SCGB1D2: variants seen among roughly 807,000 people sequenced by gnomAD.
SCGB1D2 encodes the protein secretoglobin family 1D member 2.
Under a neutral mutation model 10.5 loss-of-function variants are expected in SCGB1D2, and 10 were observed. The ratio of observed to expected loss-of-function variants is 0.95; its 90% CI spans 0.59 to 1.61. The LOEUF is 1.61. Among genes scored for constraint, SCGB1D2 ranks in the 40% most tolerant of loss-of-function variants. The pLI, the probability that SCGB1D2 is intolerant of heterozygous loss-of-function variation, is 0.00. For synonymous variants in SCGB1D2, 42 were observed against 42.8 expected, an observed-to-expected ratio of 0.98 and a Z score of 0.08; for missense variants, 113 against 103.8, an observed-to-expected ratio of 1.09 and a Z score of -0.38.
At chr11:62,244,422 A>G (rs749500492) in intron 2 of SCGB1D2, among the ~76,000 whole-genome samples, 1 of 152,158 alleles carries the variant, frequency 6.6e-6, no homozygotes, top group Admixed American at 6.5e-5. Flanking sequence ...ACTTGCTTCC[A>G]TGAGGATCCT....
intron 2 of SCGB1D2, among the ~76,000 whole-genome samples, chr11:62,243,680 T>C (rs1255548655): frequency 3.3e-5 from 5 of 152,146 alleles, no homozygotes; most frequent in Non-Finnish European, 2.9e-5. Context: ...CTCCTGCATG[T>C]TCCTCCTTCT....
intron 1 of SCGB1D2, 97 bp from the exon 2 acceptor site, chr11:62,243,192 A>G (rs1945077898): frequency 5.3e-6 from 5 of 935,848 alleles, no homozygotes; most frequent in South Asian, 1.6e-5. Flanking sequence ...GTATGTGAAC[A>G]TATAACCCAG....
At chr11:62,243,545 C>T in intron 2 of SCGB1D2, 69 bp downstream of exon 2, 1 of 1,376,996 alleles carries the variant, frequency 7.3e-7, no homozygotes, top group Non-Finnish European at 1.0e-6. Flanking sequence ...GGTCAGCTTG[C>T]TGCTCTGTTG....
chr11:62,242,457 CA>C, intron 1 of SCGB1D2, 95 bp downstream of exon 1: 3 of 1,282,316 alleles, frequency 2.3e-6, no homozygotes, highest in East Asian at 4.7e-5. Context: ...AGGATCTGCA[CA>C]AAACCAAAAT....
At position 62,243,391 on chromosome 11, in the gene SCGB1D2, C is replaced by T. The variant is rs2232950; in HGVS notation, c.158C>T (p.Pro53Leu). 0.37 allele frequency: 589,985 copies of T among 1,613,108 alleles called. 117,159 individuals carry two copies. Among genetic ancestry groups the T allele is most frequent in the East Asian group, 0.79 (35,471 of 44,874 alleles). Residue 53 changes from proline (P) to leucine (L), a missense_variant, in exon 2 of 3, where the codon CCG (proline) becomes CTG (leucine). Transcript: ENST00000244926. ...AGTCTTGCCAAATTTGATGCCCCTC[C>T]GGAAGCTGTTGCAGCCAAGTTAGGA... ...KLSLAKFDAP[P>L]EAVAAKLGVK...
chr11:62,244,308 T>C (rs1945090943), intron 2 of SCGB1D2, among the ~76,000 whole-genome samples: 1 of 152,140 alleles, frequency 6.6e-6, no homozygotes, highest in African/African-American at 2.4e-5. Flanking sequence ...CTCTCAGCCC[T>C]GACCAGCCTC....
intron 1 of SCGB1D2, among the ~76,000 whole-genome samples, chr11:62,242,738 G>A (rs1017812163): frequency 2.0e-5 from 3 of 152,158 alleles, no homozygotes; most frequent in Non-Finnish European, 2.9e-5. Context: ...GGTAGTTAGC[G>A]CTTCTGCCAG....
At chr11:62,242,514 C>A (rs1050635016) in intron 1 of SCGB1D2, 152 bp downstream of exon 1, 2 of 703,498 alleles carry the variant, frequency 2.8e-6, no homozygotes, top group Non-Finnish European at 2.4e-6. Context: ...TCATCAAGTT[C>A]AGAGCTATTT....
chr11:62,243,550 C>T, intron 2 of SCGB1D2, 74 bp downstream of exon 2: 1 of 1,297,486 alleles, frequency 7.7e-7, no homozygotes, highest in African/African-American at 1.5e-5. Flanking sequence ...GCTTGCTGCT[C>T]TGTTGGGGAC....
In SCGB1D2 at chr11:62,243,258, C is replaced by T. The variant is rs555401026; in HGVS notation, c.56-31C>T. 190 of 1,590,870 alleles carry T rather than the reference C, an allele frequency of 1.2e-4. No homozygotes were observed. In the Admixed American group the frequency reaches 3.2e-3, roughly 27 times the overall value. The stretch of plus-strand genomic sequence containing the variant: ...CAAAGAGAAAAATCGACTTTCCTAA[C>T]ATCAACTATATTTTTATTCTTTTGC... On this transcript the variant is annotated intron_variant, in intron 1 of 2. Coordinates refer to ENST00000244926, the MANE Select transcript of SCGB1D2 (RefSeq NM_006551.4).
chr11:62,243,453 C>T lies in SCGB1D2; in HGVS notation c.220C>T (p.Arg74Ter), dbSNP rs199544876. The change falls in exon 2 of 3, where the codon CGA becomes TGA. Residue 74 changes from arginine (R) to a stop codon, truncating the protein, a stop_gained. Coordinates refer to ENST00000244926, the MANE Select transcript of SCGB1D2 (RefSeq NM_006551.4). LOFTEE classifies it high-confidence loss of function. ...RCTDQMSLQK[R>*]SLIAEVLVKI... is the part of the protein sequence containing the mutation. Reference sequence around the variant, plus strand: ...CACGGATCAGATGTCCCTTCAGAAACGAAGCCTCATTGCGGAAGTCCTGGT... The same window carrying T: ...CACGGATCAGATGTCCCTTCAGAAATGAAGCCTCATTGCGGAAGTCCTGGT... 7.4e-6 allele frequency: 12 copies of T among 1,613,018 alleles called. No homozygotes were observed. Among genetic ancestry groups the T allele is most frequent in the East Asian group, 2.2e-5 (1 of 44,884 alleles).
At position 62,244,701 on chromosome 11, in the gene SCGB1D2, A is replaced by G. The variant is rs2134756161; in HGVS notation, c.*2A>G. ...ATATTGAAGAAATGTAGTGTGTGACATGTAAAAACTTTCATCCTGGTTTCC... is the reference window on the plus strand; with the variant it reads ...ATATTGAAGAAATGTAGTGTGTGACGTGTAAAAACTTTCATCCTGGTTTCC... On this transcript the variant is annotated 3_prime_UTR_variant, in exon 3 of 3. Transcript: ENST00000244926. The G allele has an allele frequency of 1.2e-6, 2 of 1,612,466 alleles. No homozygotes were observed. Among genetic ancestry groups the G allele is most frequent in the East Asian group, 4.5e-5 (2 of 44,864 alleles).
At chr11:62,243,603 G>A (rs1026425999) in intron 2 of SCGB1D2, 127 bp downstream of exon 2, 1 of 747,188 alleles carries the variant, frequency 1.3e-6, no homozygotes, top group Non-Finnish European at 2.2e-6. Flanking sequence ...CTCTTGAGAA[G>A]GTCACCTGGG....
At position 62,243,331 on chromosome 11, in the gene SCGB1D2, A is replaced by G; in HGVS notation, c.98A>G (p.Asp33Gly). ...CCAGCTCTTGTTTCTGAGCTGTTAG[A>G]CTTCTTCTTCATTAGTGAACCTCTG... is the stretch of plus-strand genomic sequence containing the variant. ...FCPALVSELLDFFFISEPLFK... is the reference protein window; with the variant it reads ...FCPALVSELLGFFFISEPLFK... Residue 33 changes from aspartate (D) to glycine (G), a missense_variant, in exon 2 of 3, where the codon GAC (aspartate) becomes GGC (glycine). Transcript: ENST00000244926. 1 of 1,613,878 alleles carries G rather than the reference A, an allele frequency of 6.2e-7. No homozygotes were observed. Among genetic ancestry groups the G allele is most frequent in the Non-Finnish European group, 8.5e-7 (1 of 1,179,880 alleles).
At position 62,244,747 on chromosome 11, in the gene SCGB1D2, TG is replaced by T; in HGVS notation, c.*49del. On this transcript the variant is annotated 3_prime_UTR_variant, in exon 3 of 3. Transcript: ENST00000244926. The stretch of plus-strand genomic sequence containing the variant: ...TTTCCACTGTCTTTCAATGACACCC[TG>T]ATCTTCACTGCAGAATGTAAAGGTT... 1 of 1,458,472 alleles carries T rather than the reference TG, an allele frequency of 6.9e-7. No homozygotes were observed. The highest frequency in any genetic ancestry group is 9.6e-7 in the Non-Finnish European group (1 of 1,039,320). 90.3% of individuals were successfully genotyped at this position (1,458,472 alleles called of 1,614,324 possible). A position where few individuals can be genotyped will look rare whatever the true frequency, so the allele number is the denominator to read the frequency against.
Position 62,243,454 on chromosome 11 carries a change from G to A in SCGB1D2, c.221G>A (p.Arg74Gln), listed in dbSNP as rs765384817. The A allele has an allele frequency of 2.1e-5, 34 of 1,613,084 alleles. No homozygotes were observed. Among genetic ancestry groups the A allele is most frequent in the African/African-American group, 2.7e-5 (2 of 74,898 alleles). ...RCTDQMSLQKRSLIAEVLVKI... is the reference protein window; with the variant it reads ...RCTDQMSLQKQSLIAEVLVKI... ...ACGGATCAGATGTCCCTTCAGAAACGAAGCCTCATTGCGGAAGTCCTGGTA... is the reference window on the plus strand; with the variant it reads ...ACGGATCAGATGTCCCTTCAGAAACAAAGCCTCATTGCGGAAGTCCTGGTA... Residue 74 changes from arginine (R) to glutamine (Q), a missense_variant, in exon 2 of 3, where the codon CGA becomes CAA. Coordinates refer to ENST00000244926, the MANE Select transcript of SCGB1D2 (RefSeq NM_006551.4).
In SCGB1D2 at chr11:62,243,362, G is replaced by T; in HGVS notation, c.129G>T (p.Lys43Asn). Residue 43 changes from lysine (K) to asparagine (N), a missense_variant, in exon 2 of 3, where the codon AAG becomes AAT. Lys to Asn is a moderately conservative substitution (Grantham distance 94, BLOSUM62 0). Transcript: ENST00000244926. ...DFFFISEPLFKLSLAKFDAPP... is the reference protein window; with the variant it reads ...DFFFISEPLFNLSLAKFDAPP... ...TCTTCATTAGTGAACCTCTGTTCAA[G>T]TTAAGTCTTGCCAAATTTGATGCCC... 1.9e-6 allele frequency: 3 copies of T among 1,614,076 alleles called. No homozygotes were observed. The highest frequency in any genetic ancestry group is 2.2e-5 in the South Asian group (2 of 91,058).
At chr11:62,243,591 A>C (rs1448235387) in intron 2 of SCGB1D2, 115 bp downstream of exon 2, 1 of 889,414 alleles carries the variant, frequency 1.1e-6, no homozygotes, top group Non-Finnish European at 1.7e-6. Flanking sequence ...CTTGCTGGTC[A>C]CCTCTTGAGA....
intron 2 of SCGB1D2, 28 bp downstream of exon 2, chr11:62,243,504 G>C: frequency 6.3e-7 from 1 of 1,591,872 alleles, no homozygotes; most frequent in Non-Finnish European, 8.6e-7. Flanking sequence ...TATTTGTTAA[G>C]GCTTCTGGTC....
Sources: allele counts gnomAD v4.1 joint callset (sites outside exome capture counted in the v4.1 genomes callset), GRCh38; gene constraint gnomAD v4.1.1; transcripts MANE v1.5; gene names NCBI Gene and HGNC (gene_info 2026-07-23, HGNC 2026-07-21).